LINGO2: variants seen among roughly 807,000 people sequenced by gnomAD.
The protein encoded by LINGO2 is leucine rich repeat and Ig domain containing 2.
Under a neutral mutation model 30.6 loss-of-function variants are expected in LINGO2, and 14 were observed. The ratio of observed to expected loss-of-function variants is 0.46; its 90% confidence interval spans 0.30 to 0.72. The LOEUF (loss-of-function observed/expected upper bound fraction) is 0.72, where lower values mean the gene tolerates loss of function less well. Ranked by LOEUF, LINGO2 falls within the 30% of genes least tolerant of loss-of-function variation. The probability of loss-of-function intolerance (pLI) is 0.07; values close to 1 mark genes in which losing one functional copy is unlikely to be tolerated. For missense variants in LINGO2, 729 were observed against 751.7 expected, an observed-to-expected ratio of 0.97 and a Z score of 0.35; for synonymous variants, 317 against 288.5, an observed-to-expected ratio of 1.10 and a Z score of -1.00.
chr9:28,018,665 T>G (rs1251302059), intron 4 of LINGO2, among the ~76,000 whole-genome samples: 1 of 152,024 alleles, frequency 6.6e-6, no homozygotes, highest in Admixed American at 6.6e-5. Flanking sequence ...TCAGTCAGAA[T>G]GGCTATTACC....
chr9:28,261,716 A>G (rs1396851231), intron 4 of LINGO2, among the ~76,000 whole-genome samples: 3 of 151,926 alleles, frequency 2.0e-5, no homozygotes, highest in Non-Finnish European at 2.9e-5. Context: ...CATATTATTC[A>G]AGAAGAGAAC....
At chr9:28,437,549 G>GCACACACA (rs58406750) in intron 2 of LINGO2, among the ~76,000 whole-genome samples, 3 of 147,578 alleles carry the variant, frequency 2.0e-5, no homozygotes, top group Non-Finnish European at 4.5e-5. Context: ...ACACACAGAC[G>GCACACACA]CACACACACA....
chr9:28,359,872 T>A (rs979608775), intron 3 of LINGO2, among the ~76,000 whole-genome samples: 1 of 152,116 alleles, frequency 6.6e-6, no homozygotes, highest in South Asian at 2.1e-4. Flanking sequence ...CCAAAATCAG[T>A]CCATAAGCAC....
chr9:28,212,200 A>G lies in LINGO2; in HGVS notation c.-87+83008T>C, dbSNP rs536536278. Among the ~76,000 whole-genome samples the G allele has an allele frequency of 5.9e-5, 9 of 151,678 alleles. No individual in the cohort carries two copies. The South Asian group carries it at 1.9e-3, about 31-fold the overall frequency. On this transcript the variant is annotated intron_variant, in intron 4 of 5. Coordinates refer to ENST00000379992, the Ensembl canonical transcript of LINGO2. Reference sequence around the variant, plus strand: ...ACTGCTAAATAAGTCAATATGTATGAAGACAACACCATCGTGAACAGGATT... The same window carrying G: ...ACTGCTAAATAAGTCAATATGTATGGAGACAACACCATCGTGAACAGGATT...
intron 4 of LINGO2, among the ~76,000 whole-genome samples, chr9:28,209,638 G>A (rs1457209591): frequency 6.6e-6 from 1 of 150,976 alleles, no homozygotes; most frequent in Non-Finnish European, 1.5e-5. Flanking sequence ...AAGTTGTAAC[G>A]GTAAAGCTCT....
intron 4 of LINGO2, among the ~76,000 whole-genome samples, chr9:28,237,531 G>A (rs1490153055): frequency 6.6e-6 from 1 of 151,978 alleles, no homozygotes; most frequent in Non-Finnish European, 1.5e-5. Flanking sequence ...AAAAAAACAA[G>A]GCCCAGTGAT....
chr9:28,839,943 G>C, the LINGO2 span, among the ~76,000 whole-genome samples: 5 of 152,098 alleles, frequency 3.3e-5, no homozygotes, highest in African/African-American at 1.2e-4. Context: ...GTGCTCATCA[G>C]TGCCCAAAGT....
intron 5 of LINGO2, among the ~76,000 whole-genome samples, chr9:28,000,412 G>C (rs1056152601): frequency 6.6e-6 from 1 of 152,122 alleles, no homozygotes; most frequent in Non-Finnish European, 1.5e-5. Context: ...GAAAAGGAAG[G>C]TTGGGGATTA....
chr9:28,909,015 G>A, the LINGO2 span, among the ~76,000 whole-genome samples: 1 of 151,798 alleles, frequency 6.6e-6, no homozygotes, highest in Non-Finnish European at 1.5e-5. Flanking sequence ...AAAAGCAATT[G>A]GACAGGAATA....
rs1283202981 is a variant in LINGO2, at chr9:27,948,695, A to T, written c.*156T>A. 6.1e-6 allele frequency: 5 copies of T among 813,872 alleles called. No homozygotes were observed. The East Asian group carries it at 1.2e-4, about 20-fold the overall frequency. The allele number at this position is 813,872 out of a possible 1,614,324, so 50.4% of individuals were successfully genotyped here. ...TGCCTGCCTGCCTGCCTTTCGATGG[A>T]GAGTCTCCATTGGAAGTCCTCCTGC... is the stretch of plus-strand genomic sequence containing the variant. On this transcript the variant is annotated 3_prime_UTR_variant, in exon 6 of 6. Transcript: ENST00000379992.
chr9:28,471,608 T>G (rs1390641637), intron 2 of LINGO2, among the ~76,000 whole-genome samples: 1 of 152,098 alleles, frequency 6.6e-6, no homozygotes, highest in Non-Finnish European at 1.5e-5. Context: ...AAAACCACAA[T>G]GGGATACCAC....
chr9:27,968,552 C>T (rs1325923366), intron 5 of LINGO2, among the ~76,000 whole-genome samples: 1 of 151,894 alleles, frequency 6.6e-6, no homozygotes, highest in Admixed American at 6.6e-5. Context: ...TTAGATTGTG[C>T]TATAGGTATT....
At chr9:29,074,678 C>CTTAT in the LINGO2 span, among the ~76,000 whole-genome samples, 1 of 88,006 alleles carries the variant, frequency 1.1e-5, no homozygotes, top group African/African-American at 5.3e-5. Context: ...AAATTACTTA[C>CTTAT]TTTTTTTTTT....
chr9:28,537,697 T>C (rs1821496169), intron 1 of LINGO2, among the ~76,000 whole-genome samples: 1 of 151,908 alleles, frequency 6.6e-6, no homozygotes, highest in Non-Finnish European at 1.5e-5. Flanking sequence ...TAGAAGTGAA[T>C]ACATAAAAGG....
intron 3 of LINGO2, among the ~76,000 whole-genome samples, chr9:28,372,023 C>T (rs992522765): frequency 2.0e-5 from 3 of 152,084 alleles, no homozygotes; most frequent in African/African-American, 7.2e-5. Context: ...CAGGACCTTG[C>T]ACACAATATG....
the LINGO2 span, among the ~76,000 whole-genome samples, chr9:28,792,486 A>G: frequency 1.2e-3 from 186 of 152,194 alleles, 2 homozygotes; most frequent in South Asian, 0.034. Flanking sequence ...AAAATGCTAC[A>G]GTCTGTTGTA....
At chr9:28,976,799 T>A in the LINGO2 span, among the ~76,000 whole-genome samples, 1 of 151,922 alleles carries the variant, frequency 6.6e-6, no homozygotes, top group African/African-American at 2.4e-5. Flanking sequence ...AATTCTTATC[T>A]CCAATTGATG....
chr9:29,192,885 T>C, the LINGO2 span, among the ~76,000 whole-genome samples: 2 of 152,138 alleles, frequency 1.3e-5, no homozygotes, highest in Admixed American at 1.3e-4. Context: ...AACCCAGTCC[T>C]TACTGCTCCA....
the LINGO2 span, among the ~76,000 whole-genome samples, chr9:28,913,063 ACAGTTTACACT>A: frequency 2.6e-5 from 4 of 152,072 alleles, no homozygotes; most frequent in Admixed American, 2.6e-4. Context: ...TTTCCTCTGT[ACAGTTTACACT>A]CAGTTTCAAC....
Sources: allele counts gnomAD v4.1 joint callset (sites outside exome capture counted in the v4.1 genomes callset), GRCh38; gene constraint gnomAD v4.1.1; transcripts MANE v1.5; gene names NCBI Gene and HGNC (gene_info 2026-07-23, HGNC 2026-07-21).